Variants in MAP3K20 observed in about 807,000 individuals in gnomAD.
The protein encoded by MAP3K20 is mitogen-activated protein kinase kinase kinase 20.
A neutral mutation model predicts 85.7 loss-of-function variants in MAP3K20; 40 were observed. The observed-to-expected ratio is 0.47, with a 90% CI of 0.36 to 0.61. MAP3K20 has a LOEUF of 0.61. Ranked by LOEUF, MAP3K20 falls within the 20% of genes least tolerant of loss-of-function variation. MAP3K20 has a pLI of 0.00. For synonymous variants in MAP3K20, 325 were observed against 327.7 expected (o/e 0.99, Z 0.09); for missense variants, 817 against 961.7 (o/e 0.85, Z 1.99).
At chr2:173,162,686 C>CAA (rs1689696811) in intron 2 of MAP3K20, among the ~76,000 whole-genome samples, 22 of 99,106 alleles carry the variant, frequency 2.2e-4, no homozygotes, top group Non-Finnish European at 3.7e-4. Flanking sequence ...AACTCCGTCT[C>CAA]CAAAAAAAAA....
chr2:173,127,690 A>G (rs1309321277), intron 2 of MAP3K20, among the ~76,000 whole-genome samples: 2 of 152,112 alleles, frequency 1.3e-5, no homozygotes, highest in African/African-American at 2.4e-5. Flanking sequence ...CCAAAAATGC[A>G]TATGTTGGTT....
At chr2:173,158,824 T>A (rs1322054555) in intron 2 of MAP3K20, among the ~76,000 whole-genome samples, 1 of 152,210 alleles carries the variant, frequency 6.6e-6, no homozygotes, top group Non-Finnish European at 1.5e-5. Flanking sequence ...TTCCTCAAAG[T>A]CACCTCACTG....
intron 2 of MAP3K20, among the ~76,000 whole-genome samples, chr2:173,095,049 T>C (rs115905125): frequency 0.016 from 2,361 of 152,322 alleles, 58 homozygotes; most frequent in African/African-American, 0.053. Context: ...CCTTATTTTT[T>C]CCTTTCTTCC....
At chr2:173,206,307 T>C (rs1399884312) in intron 9 of MAP3K20, among the ~76,000 whole-genome samples, 2 of 152,210 alleles carry the variant, frequency 1.3e-5, no homozygotes, top group African/African-American at 4.8e-5. Context: ...TGGCATGTCT[T>C]TAAATGTAGT....
At chr2:173,133,108 T>C (rs1688663044) in intron 2 of MAP3K20, among the ~76,000 whole-genome samples, 1 of 152,214 alleles carries the variant, frequency 6.6e-6, no homozygotes, top group South Asian at 2.1e-4. Context: ...AAATTTTACA[T>C]ATTTTAAAAT....
chr2:173,193,576 C>T (rs1357435524), intron 7 of MAP3K20, among the ~76,000 whole-genome samples: 2 of 152,174 alleles, frequency 1.3e-5, no homozygotes, highest in African/African-American at 4.8e-5. Flanking sequence ...TTCCTTTTCA[C>T]ACATAAACTA....
chr2:173,178,109 G>A (rs1690218492), intron 3 of MAP3K20, among the ~76,000 whole-genome samples: 1 of 151,992 alleles, frequency 6.6e-6, no homozygotes, highest in African/African-American at 2.4e-5. Flanking sequence ...TCTTTGAAAA[G>A]ATTAATAAAT....
At chr2:173,200,275 G>T (rs1691004581) in intron 8 of MAP3K20, among the ~76,000 whole-genome samples, 1 of 152,110 alleles carries the variant, frequency 6.6e-6, no homozygotes, top group South Asian at 2.1e-4. Flanking sequence ...ACAAATGGAG[G>T]TATCCATTTC....
chr2:173,223,675 C>A, intron 11 of MAP3K20: 1 of 985,340 alleles, frequency 1.0e-6, no homozygotes. Flanking sequence ...TGAGGTGAGA[C>A]TAAACACAAA....
At chr2:173,206,346 A>G (rs1000703355) in intron 9 of MAP3K20, among the ~76,000 whole-genome samples, 4 of 152,224 alleles carry the variant, frequency 2.6e-5, no homozygotes, top group Non-Finnish European at 5.9e-5. Flanking sequence ...GACCAAAGAA[A>G]TCTTGCATTC....
chr2:173,187,678 C>G (rs1690530330), intron 5 of MAP3K20, 55 bp downstream of exon 5: 20 of 1,438,176 alleles, frequency 1.4e-5, no homozygotes, highest in Non-Finnish European at 1.9e-5. Flanking sequence ...CATACACTTG[C>G]ATGTAGAAAT....
intron 2 of MAP3K20, among the ~76,000 whole-genome samples, chr2:173,134,426 A>ATT (rs1457014949): frequency 1.5e-3 from 7 of 4,672 alleles, no homozygotes; most frequent in South Asian, 0.016. Flanking sequence ...ATATATATAT[A>ATT]TATTTTTTTT....
At chr2:173,088,859 C>G (rs1049192156) in intron 1 of MAP3K20, among the ~76,000 whole-genome samples, 1 of 152,178 alleles carries the variant, frequency 6.6e-6, no homozygotes, top group Non-Finnish European at 1.5e-5. Flanking sequence ...ACTGTTGATT[C>G]ACATATGTTT....
At chr2:173,229,253 C>T (rs1684461865) in intron 11 of MAP3K20, among the ~76,000 whole-genome samples, 1 of 152,198 alleles carries the variant, frequency 6.6e-6, no homozygotes. Context: ...GATCTTTCAA[C>T]ACTTAGAAAT....
chr2:173,229,865 C>A, intron 12 of MAP3K20, 132 bp downstream of exon 12: 2 of 1,013,310 alleles, frequency 2.0e-6, no homozygotes, highest in Non-Finnish European at 1.5e-6. Flanking sequence ...TTTTCTCACT[C>A]TGTCTCCCAG....
chr2:173,134,421 TATA>T (rs1374233951), intron 2 of MAP3K20, among the ~76,000 whole-genome samples: 7 of 23,970 alleles, frequency 2.9e-4, no homozygotes, highest in East Asian at 2.1e-3. Context: ...TATATATATA[TATA>T]TATATTTTTT....
intron 2 of MAP3K20, among the ~76,000 whole-genome samples, chr2:173,160,807 T>C (rs1389177406): frequency 6.6e-6 from 1 of 152,170 alleles, no homozygotes; most frequent in Non-Finnish European, 1.5e-5. Flanking sequence ...CTGGTTCTTT[T>C]GTTGTGGATA....
At chr2:173,081,319 G>T (rs751466966) in intron 1 of MAP3K20, among the ~76,000 whole-genome samples, 2 of 151,298 alleles carry the variant, frequency 1.3e-5, no homozygotes, top group Non-Finnish European at 2.9e-5. Flanking sequence ...GTGCTACCTT[G>T]CCTGGCTTAT....
chr2:173,226,818 CTT>C (rs1256318083), intron 11 of MAP3K20: 2 of 983,566 alleles, frequency 2.0e-6, no homozygotes, highest in Non-Finnish European at 1.2e-6. Flanking sequence ...TATTTATATT[CTT>C]TGAGTGTGAG....
Sources: gnomAD v4.1 joint callset for allele counts (sites outside exome capture counted in the v4.1 genomes callset) on GRCh38, gnomAD v4.1.1 for gene constraint, MANE v1.5 for transcripts, NCBI Gene and HGNC (gene_info 2026-07-23, HGNC 2026-07-21) for gene names.